The following PDXDC1 variants were observed in gnomAD, a reference collection of about 807,000 sequenced individuals.
PDXDC1 encodes the protein pyridoxal-dependent decarboxylase domain-containing protein 1.
PDXDC1 carries 42 observed loss-of-function variants against 100.1 expected under a neutral mutation model. The ratio of observed to expected loss-of-function variants is 0.42; its 90% CI spans 0.33 to 0.54. The LOEUF (loss-of-function observed/expected upper bound fraction) is 0.54. Among genes scored for constraint, PDXDC1 ranks in the 20% least tolerant of loss-of-function variants. The probability of loss-of-function intolerance (pLI) is 0.10; values close to 1 mark genes in which losing one functional copy is unlikely to be tolerated. For missense variants in PDXDC1, 636 were observed against 979.2 expected (o/e 0.65, Z 4.68); for synonymous variants, 260 against 371.7 (o/e 0.70, Z 3.46).
chr16:15,044,564 C>T, intron 16 of PDXDC1: 1 of 629,620 alleles, frequency 1.6e-6, no homozygotes, highest in Non-Finnish European at 2.8e-6. Context: ...ATCGGCAGCA[C>T]ACTGCCAAGG....
At position 15,110,148 on chromosome 16, in the gene PDXDC1, G is replaced by GAAA. The variant is rs375187720; in HGVS notation, c.1400-28720_1400-28718dup. ...CAACACGAGCAAAGCCCCATCTCAG[G>GAAA]AAAAAAAAAAAAAGAGAGAGAGAGA... On this transcript the variant is annotated intron_variant, in intron 16 of 16. Transcript: ENST00000535621. Among the ~76,000 whole-genome samples the GAAA allele has an allele frequency of 1.2e-3, 152 of 128,418 alleles. 6 individuals are homozygous for GAAA. Among genetic ancestry groups the GAAA allele is most frequent in the Non-Finnish European group, 2.0e-3 (120 of 59,064 alleles). 84.2% of individuals were successfully genotyped at this position (128,418 alleles called of 152,430 possible).
chr16:15,140,228 T>C (rs1192194164), downstream of PDXDC1, among the ~76,000 whole-genome samples: 1 of 150,356 alleles, frequency 6.7e-6, no homozygotes, highest in Non-Finnish European at 1.5e-5. Flanking sequence ...GCGGATCACC[T>C]GAGGTCAGGA....
chr16:15,151,860 G>C, the PDXDC1 span, among the ~76,000 whole-genome samples: 1 of 135,068 alleles, frequency 7.4e-6, no homozygotes, highest in Non-Finnish European at 1.7e-5. Flanking sequence ...GAACCCAGGA[G>C]GCGGAGGTTG....
chr16:15,069,247 C>G (rs1322363758), intron 16 of PDXDC1, among the ~76,000 whole-genome samples: 2 of 152,004 alleles, frequency 1.3e-5, no homozygotes, highest in Non-Finnish European at 2.9e-5. Context: ...CTGCTGTTGG[C>G]AGCTAGTAGG....
chr16:15,141,980 A>G (rs1231811521), downstream of PDXDC1, among the ~76,000 whole-genome samples: 1 of 152,174 alleles, frequency 6.6e-6, no homozygotes, highest in Non-Finnish European at 1.5e-5. Flanking sequence ...CAGCAGCCCT[A>G]AGGGGCGAGA....
chr16:15,038,425 C>CAAGTT (rs2151679716), downstream of PDXDC1: 1 of 624,508 alleles, frequency 1.6e-6, no homozygotes, highest in East Asian at 2.8e-5. Flanking sequence ...ATTTGATATA[C>CAAGTT]AAGTTAAATG....
intron 8 of PDXDC1, among the ~76,000 whole-genome samples, chr16:15,014,742 A>G (rs1169116798): frequency 1.3e-5 from 2 of 152,286 alleles, no homozygotes; most frequent in Non-Finnish European, 2.9e-5. Flanking sequence ...CTGGAAATTT[A>G]GGACGGTTGG....
intron 16 of PDXDC1, among the ~76,000 whole-genome samples, chr16:15,073,815 T>C (rs1485478629): frequency 6.6e-6 from 1 of 152,170 alleles, no homozygotes; most frequent in Non-Finnish European, 1.5e-5. Flanking sequence ...GATGGGGTCT[T>C]GTTATGTTGC....
chr16:15,027,715 C>T (rs1373000569), intron 14 of PDXDC1, among the ~76,000 whole-genome samples: 11 of 152,288 alleles, frequency 7.2e-5, no homozygotes, highest in East Asian at 1.9e-4. Flanking sequence ...GCTCTTCTGC[C>T]GGCCTGCTCT....
At chr16:15,093,932 A>T in intron 16 of PDXDC1, 2 of 572,094 alleles carry the variant, frequency 3.5e-6, no homozygotes, top group Non-Finnish European at 6.2e-6. Flanking sequence ...GGGGGCCTCC[A>T]GAACAGAGAA....
At chr16:15,080,216 T>C in intron 16 of PDXDC1, 1 of 1,194,590 alleles carries the variant, frequency 8.4e-7, no homozygotes, top group South Asian at 1.7e-5. Context: ...AAAAACAGAC[T>C]ATCCAGCAAT....
intron 1 of PDXDC1, among the ~76,000 whole-genome samples, chr16:14,980,374 C>A (rs1478123002): frequency 6.6e-6 from 1 of 152,270 alleles, no homozygotes; most frequent in Admixed American, 6.5e-5. Context: ...CAGCTCTATG[C>A]GACCTCTGCC....
chr16:15,041,224 G>A, downstream of PDXDC1: 2 of 779,852 alleles, frequency 2.6e-6, no homozygotes, highest in South Asian at 2.9e-5. Context: ...GATGCAGAAA[G>A]GGAGGAAAAT....
intron 16 of PDXDC1, chr16:15,136,134 G>C: frequency 3.4e-6 from 5 of 1,486,496 alleles, no homozygotes; most frequent in Non-Finnish European, 4.6e-6. Context: ...CTAGGCTCCT[G>C]GGGGCGGGTG....
At chr16:15,046,506 G>T (rs2044069737) in intron 16 of PDXDC1, among the ~76,000 whole-genome samples, 1 of 152,096 alleles carries the variant, frequency 6.6e-6, no homozygotes, top group Non-Finnish European at 1.5e-5. Flanking sequence ...GGAGGCAGCG[G>T]CTACTTTACT....
chr16:14,980,269 T>A (rs1289260649), intron 1 of PDXDC1, among the ~76,000 whole-genome samples: 1 of 152,280 alleles, frequency 6.6e-6, no homozygotes, highest in East Asian at 1.9e-4. Flanking sequence ...TCATCTGTTG[T>A]CACCTAAAGC....
At chr16:15,019,661 A>C (rs1227365812) in intron 12 of PDXDC1, among the ~76,000 whole-genome samples, 20 of 152,266 alleles carry the variant, frequency 1.3e-4, no homozygotes, top group Admixed American at 1.1e-3. Context: ...AGGGGTGAGC[A>C]CAGTCCCTTG....
chr16:15,026,140 AC>A (rs2042583838), intron 13 of PDXDC1: 1 of 157,172 alleles, frequency 6.4e-6, no homozygotes, highest in African/African-American at 2.4e-5. Context: ...ACGGTGTCTC[AC>A]GTCTGTAATC....
In PDXDC1 at chr16:15,004,249, T is replaced by G. The variant is rs748899047; in HGVS notation, c.305T>G (p.Ile102Ser). ...TTGGGACATAGTCTGGGAGCTTATA[T>G]TTCAACTCTGGACAAAGAGAAGCTG... ...ALLGHSLGAYISTLDKEKLRK... is the reference protein window; with the variant it reads ...ALLGHSLGAYSSTLDKEKLRK... The change falls in exon 5 of 23, where the codon ATT becomes AGT. Residue 102 changes from isoleucine (I) to serine (S), a missense_variant. Physicochemically the swap from Ile to Ser is moderately radical, Grantham distance 142. Transcript: ENST00000396410. 1.2e-5 allele frequency: 19 copies of G among 1,614,070 alleles called. No individual in the cohort carries two copies.
Sources: allele counts gnomAD v4.1 joint callset (sites outside exome capture counted in the v4.1 genomes callset), GRCh38; gene constraint gnomAD v4.1.1; transcripts MANE v1.5; gene names NCBI Gene and HGNC (gene_info 2026-07-23, HGNC 2026-07-21).